The following SCN11A variants were observed in gnomAD, a reference collection of about 807,000 sequenced individuals.
The protein encoded by SCN11A is sodium channel protein type 11 subunit alpha.
SCN11A carries 122 observed loss-of-function variants against 162.2 expected under a neutral mutation model. The ratio of observed to expected loss-of-function variants is 0.75; its 90% CI spans 0.65 to 0.87. The LOEUF (loss-of-function observed/expected upper bound fraction) is 0.87. Ranked by LOEUF, SCN11A falls within the 40% of genes least tolerant of loss-of-function variation. The probability of loss-of-function intolerance (pLI) is 0.00; values close to 1 mark genes in which losing one functional copy is unlikely to be tolerated. For synonymous variants in SCN11A, 758 were observed against 751.5 expected, an observed-to-expected ratio of 1.01 and a Z score of -0.14; for missense variants, 2,015 against 2,181.6, an observed-to-expected ratio of 0.92 and a Z score of 1.52.
rs1575342050 is a variant in SCN11A at position 38,970,246 on chromosome 3, T to C, written c.-279-9823A>G. ...CACCTCAATTTCCTGCCATCTTTCC[T>C]CTCAGGAATGAAACAGATTTCAATA... On this transcript the variant is annotated intron_variant, in intron 2 of 29. Transcript: ENST00000302328. 2.0e-5 allele frequency among the ~76,000 whole-genome samples: 3 copies of C among 152,292 alleles called. No homozygotes were observed. The East Asian group carries it at 5.8e-4, about 29-fold the overall frequency.
chr3:38,933,632 A>C (rs1229740239), intron 7 of SCN11A, among the ~76,000 whole-genome samples: 3 of 152,240 alleles, frequency 2.0e-5, no homozygotes, highest in African/African-American at 7.2e-5. Flanking sequence ...CAGTGATGGA[A>C]GATGAAATGA....
At chr3:38,999,854 T>G (rs559021981) in intron 2 of SCN11A, among the ~76,000 whole-genome samples, 2 of 152,270 alleles carry the variant, frequency 1.3e-5, no homozygotes, top group South Asian at 4.1e-4. Flanking sequence ...GTAAATACTC[T>G]GAAAATGAGG....
intron 11 of SCN11A, among the ~76,000 whole-genome samples, chr3:38,911,281 A>G (rs2065884021): frequency 6.6e-6 from 1 of 152,138 alleles, no homozygotes; most frequent in Non-Finnish European, 1.5e-5. Flanking sequence ...TTCACAATCA[A>G]TTGGTAGTTT....
chr3:38,885,458 T>C (rs1031278678), intron 20 of SCN11A, 56 bp from the exon 21 acceptor site: 18 of 937,864 alleles, frequency 1.9e-5, no homozygotes, highest in Non-Finnish European at 2.8e-5. Flanking sequence ...TCTTTCACCA[T>C]AGTAGTACGG....
intron 2 of SCN11A, among the ~76,000 whole-genome samples, chr3:38,989,434 A>G (rs1029138639): frequency 6.6e-6 from 1 of 152,240 alleles, no homozygotes; most frequent in African/African-American, 2.4e-5. Context: ...CTGTTATGCA[A>G]CAGTAGTAAG....
At chr3:38,976,758 C>T (rs1440553679) in intron 2 of SCN11A, among the ~76,000 whole-genome samples, 1 of 152,168 alleles carries the variant, frequency 6.6e-6, no homozygotes, top group Non-Finnish European at 1.5e-5. Context: ...CCCTTCCCCT[C>T]TCTCTCCCAC....
In SCN11A at chr3:38,881,358, C is replaced by T. The variant is rs1199203588; in HGVS notation, c.3220-1235G>A. 2.0e-5 allele frequency among the ~76,000 whole-genome samples: 3 copies of T among 152,110 alleles called. No individual in the cohort carries two copies. In the East Asian group the frequency reaches 5.8e-4, roughly 29 times the overall value. On this transcript the variant is annotated intron_variant, in intron 22 of 29. Transcript: ENST00000302328. Reference sequence around the variant, plus strand: ...TCAGGCTCCTGGAGGTCAGGGACTTCGTTTGTTTGCCTCTTGAGGATAAAC... The same window carrying T: ...TCAGGCTCCTGGAGGTCAGGGACTTTGTTTGTTTGCCTCTTGAGGATAAAC...
At chr3:38,951,545 C>G (rs948637061) in intron 4 of SCN11A, among the ~76,000 whole-genome samples, 1 of 152,258 alleles carries the variant, frequency 6.6e-6, no homozygotes, top group Non-Finnish European at 1.5e-5. Flanking sequence ...GAGCGCATGG[C>G]GCAGGACTGG....
rs184618052 is a variant in SCN11A at position 38,979,902 on chromosome 3, T to C, written c.-279-19479A>G. On this transcript the variant is annotated intron_variant, in intron 2 of 29. Transcript: ENST00000302328. ...CACATCAAGGCTTCCCCAGCAAAAA[T>C]TTAAAACCCCCTTAGTGCAGACCCC... Among the ~76,000 whole-genome samples, 21 of 152,230 alleles carry C rather than the reference T, an allele frequency of 1.4e-4. No homozygotes were observed. The East Asian group carries it at 1.7e-3, about 13-fold the overall frequency.
intron 5 of SCN11A, among the ~76,000 whole-genome samples, chr3:38,947,621 C>T (rs539120507): frequency 6.6e-6 from 1 of 152,282 alleles, no homozygotes; most frequent in Admixed American, 6.5e-5. Context: ...TTATGCCCGC[C>T]CCCCCACAAA....
At chr3:39,014,918 T>G (rs560256215) in intron 2 of SCN11A, among the ~76,000 whole-genome samples, 1 of 152,342 alleles carries the variant, frequency 6.6e-6, no homozygotes, top group Non-Finnish European at 1.5e-5. Context: ...CATCAGCCTT[T>G]GTTGTTGGCA....
At chr3:39,046,086 C>A (rs1166602924) in intron 1 of SCN11A, among the ~76,000 whole-genome samples, 2 of 152,128 alleles carry the variant, frequency 1.3e-5, no homozygotes, top group Non-Finnish European at 2.9e-5. Flanking sequence ...AGGGCAAAAC[C>A]CTGTCTGTAC....
intron 11 of SCN11A, among the ~76,000 whole-genome samples, chr3:38,918,684 G>A (rs978784073): frequency 3.9e-5 from 6 of 152,184 alleles, no homozygotes; most frequent in African/African-American, 1.4e-4. Context: ...AATGCAGTGT[G>A]TGCTGTTGGG....
chr3:38,850,271 G>A, intron 29 of SCN11A: 1 of 547,546 alleles, frequency 1.8e-6, no homozygotes, highest in Non-Finnish European at 3.2e-6. Flanking sequence ...TATTTCAGTT[G>A]TGTAGTGAGT....
Position 38,847,746 on chromosome 3 carries a change from A to C in SCN11A, c.4328-4T>G. ...TCCAAGGTAGAAATCATTGTACCTC[A>C]GGAGAAGGAGAAAAGTAAATAAGTT... is the stretch of plus-strand genomic sequence containing the variant. On this transcript the variant is annotated splice_region_variant and splice_polypyrimidine_tract_variant and intron_variant, in intron 29 of 29. Transcript: ENST00000302328. 1.3e-6 allele frequency: 2 copies of C among 1,548,232 alleles called. No homozygotes were observed. Among genetic ancestry groups the C allele is most frequent in the Non-Finnish European group, 1.8e-6 (2 of 1,134,132 alleles).
At chr3:38,987,908 C>T (rs11927043) in intron 2 of SCN11A, among the ~76,000 whole-genome samples, 12,399 of 152,180 alleles carry the variant, frequency 0.081, 724 homozygotes, top group African/African-American at 0.16. Flanking sequence ...GCAGAGCTTG[C>T]ACATAACTCA....
intron 2 of SCN11A, among the ~76,000 whole-genome samples, chr3:38,980,214 T>C (rs1559563068): frequency 6.6e-6 from 1 of 151,608 alleles, no homozygotes; most frequent in Non-Finnish European, 1.5e-5. Flanking sequence ...AATGAAAATA[T>C]CTCTTTCTGC....
At chr3:39,004,216 TC>T (rs1438765908) in intron 2 of SCN11A, among the ~76,000 whole-genome samples, 1 of 152,192 alleles carries the variant, frequency 6.6e-6, no homozygotes, top group Non-Finnish European at 1.5e-5. Context: ...AAGGAAGGGA[TC>T]CAGCTTCAGT....
intron 3 of SCN11A, among the ~76,000 whole-genome samples, chr3:38,955,195 C>A (rs2066667223): frequency 6.6e-6 from 1 of 151,966 alleles, no homozygotes; most frequent in Admixed American, 6.6e-5. Context: ...GGCTGAGGCA[C>A]AAGAATCGCT....
Sources: gnomAD v4.1 joint callset for allele counts (sites outside exome capture counted in the v4.1 genomes callset) on GRCh38, gnomAD v4.1.1 for gene constraint, MANE v1.5 for transcripts, NCBI Gene and HGNC (gene_info 2026-07-23, HGNC 2026-07-21) for gene names.